Variants in NLGN1 observed in about 807,000 individuals in gnomAD.
The protein encoded by NLGN1 is neuroligin-1.
A neutral mutation model predicts 65.5 loss-of-function variants in NLGN1; 12 were observed. That is an observed-to-expected ratio of 0.18 (90% CI 0.12 to 0.30). The LOEUF (loss-of-function observed/expected upper bound fraction) is 0.30, where lower values mean the gene tolerates loss of function less well. NLGN1 is among the 10% of genes least tolerant of loss of function. The pLI, the probability that NLGN1 is intolerant of heterozygous loss-of-function variation, is 1.00. For missense variants in NLGN1, 750 were observed against 1,007.1 expected (o/e 0.74, Z 3.46); for synonymous variants, 350 against 359.5 (o/e 0.97, Z 0.30).
intron 1 of NLGN1, among the ~76,000 whole-genome samples, chr3:173,405,964 A>T (rs1157867734): frequency 2.0e-5 from 3 of 152,184 alleles, no homozygotes; most frequent in Non-Finnish European, 4.4e-5. Flanking sequence ...GTATGATATA[A>T]ATACATAATA....
chr3:173,500,448 G>C (rs1730878353), intron 2 of NLGN1, among the ~76,000 whole-genome samples: 1 of 152,106 alleles, frequency 6.6e-6, no homozygotes, highest in South Asian at 2.1e-4. Context: ...GCTGGATTCG[G>C]TTTGCCAGTC....
intron 4 of NLGN1, among the ~76,000 whole-genome samples, chr3:174,203,703 G>C (rs1306302382): frequency 6.6e-6 from 1 of 152,070 alleles, no homozygotes; most frequent in East Asian, 1.9e-4. Context: ...ATCGACTAGG[G>C]TTTGTGTAAT....
chr3:173,438,656 A>C (rs762579853), intron 2 of NLGN1, among the ~76,000 whole-genome samples: 2 of 152,158 alleles, frequency 1.3e-5, no homozygotes, highest in Non-Finnish European at 2.9e-5. Context: ...AAAATATAGA[A>C]AAACTGCGGA....
intron 3 of NLGN1, among the ~76,000 whole-genome samples, chr3:173,663,040 C>T (rs1159020707): frequency 1.3e-5 from 2 of 152,118 alleles, no homozygotes; most frequent in South Asian, 2.1e-4. Flanking sequence ...TGATACTTAA[C>T]TATAAATAAT....
chr3:173,742,262 G>A (rs932770503), intron 3 of NLGN1, among the ~76,000 whole-genome samples: 8 of 152,134 alleles, frequency 5.3e-5, no homozygotes, highest in African/African-American at 1.9e-4. Flanking sequence ...GGGAAGAAGA[G>A]AGAGGGATGT....
chr3:173,410,721 T>A (rs1712360118), intron 1 of NLGN1, among the ~76,000 whole-genome samples: 1 of 152,232 alleles, frequency 6.6e-6, no homozygotes, highest in Non-Finnish European at 1.5e-5. Context: ...TTTCTATACA[T>A]GTTTAAATCT....
exon 7 of NLGN1, chr3:174,281,534 T>C (rs375237613): frequency 1.2e-5 from 5 of 419,870 alleles, no homozygotes; most frequent in African/African-American, 2.0e-5. Flanking sequence ...TACTTTTTCA[T>C]TCACATTCAA....
chr3:173,783,083 A>G (rs1781424318), intron 3 of NLGN1, among the ~76,000 whole-genome samples: 1 of 152,194 alleles, frequency 6.6e-6, no homozygotes, highest in African/African-American at 2.4e-5. Flanking sequence ...AAGAATGTGG[A>G]AAGGATACAC....
At chr3:173,654,997 G>A (rs1168958800) in intron 3 of NLGN1, among the ~76,000 whole-genome samples, 2 of 152,094 alleles carry the variant, frequency 1.3e-5, no homozygotes, top group Admixed American at 6.6e-5. Flanking sequence ...TTCCATGGTA[G>A]CCATATGACC....
At chr3:174,198,731 A>T (rs2061618830) in intron 4 of NLGN1, among the ~76,000 whole-genome samples, 2 of 151,894 alleles carry the variant, frequency 1.3e-5, no homozygotes, top group African/African-American at 2.4e-5. Context: ...TAATTAAGTG[A>T]CATTCACTGA....
chr3:173,657,752 A>G (rs755369219), intron 3 of NLGN1, among the ~76,000 whole-genome samples: 10 of 151,916 alleles, frequency 6.6e-5, no homozygotes, highest in Non-Finnish European at 1.3e-4. Context: ...CAGTAGCAGG[A>G]TGGAAGAAAG....
Position 173,474,731 on chromosome 3 carries a change from G to A in NLGN1, c.-321+39653G>A, listed in dbSNP as rs139348143. On this transcript the variant is annotated intron_variant, in intron 2 of 6. Transcript: ENST00000457714. Reference sequence around the variant, plus strand: ...TCCTAGCACTTTGGGAGGCCGAGGTGGGTGGATCACGAGGTCAGGAGTTCG... The same window carrying A: ...TCCTAGCACTTTGGGAGGCCGAGGTAGGTGGATCACGAGGTCAGGAGTTCG... 8.3e-4 allele frequency among the ~76,000 whole-genome samples: 127 copies of A among 152,206 alleles called. No individual in the cohort carries two copies. In the East Asian group the frequency reaches 0.019, roughly 23 times the overall value.
intron 3 of NLGN1, among the ~76,000 whole-genome samples, chr3:173,649,672 A>T (rs2149632837): frequency 6.6e-6 from 1 of 152,254 alleles, no homozygotes; most frequent in Admixed American, 6.5e-5. Flanking sequence ...CACACAGGCA[A>T]CTATAATCAC....
chr3:173,876,949 G>A (rs904533585), intron 4 of NLGN1, among the ~76,000 whole-genome samples: 6 of 152,044 alleles, frequency 3.9e-5, no homozygotes, highest in African/African-American at 1.4e-4. Flanking sequence ...ATCAGCATTT[G>A]GACACCAAAG....
intron 3 of NLGN1, among the ~76,000 whole-genome samples, chr3:173,747,017 T>A (rs935975711): frequency 2.7e-4 from 41 of 150,666 alleles, no homozygotes; most frequent in Non-Finnish European, 6.1e-4. Flanking sequence ...CAGCCTAGGG[T>A]CTCCAGAGCA....
At chr3:173,788,448 T>C (rs1254793524) in intron 3 of NLGN1, among the ~76,000 whole-genome samples, 2 of 152,096 alleles carry the variant, frequency 1.3e-5, no homozygotes, top group Non-Finnish European at 2.9e-5. Context: ...CAAAAATTTT[T>C]AATATTTATT....
chr3:173,844,885 T>G (rs886883795), intron 4 of NLGN1, among the ~76,000 whole-genome samples: 4 of 152,234 alleles, frequency 2.6e-5, no homozygotes, highest in African/African-American at 4.8e-5. Context: ...GTCTTCTATT[T>G]TAAAATAACC....
chr3:173,555,229 A>AT (rs1441912331), intron 2 of NLGN1, among the ~76,000 whole-genome samples: 1 of 152,134 alleles, frequency 6.6e-6, no homozygotes, highest in African/African-American at 2.4e-5. Flanking sequence ...TTTTGGAAGT[A>AT]TTTTTTCCTC....
intron 4 of NLGN1, among the ~76,000 whole-genome samples, chr3:174,089,768 A>C (rs1233756498): frequency 6.6e-6 from 1 of 152,158 alleles, no homozygotes; most frequent in Non-Finnish European, 1.5e-5. Context: ...AGATCCACTT[A>C]ATCCAATTAA....
Sources: allele counts gnomAD v4.1 joint callset (sites outside exome capture counted in the v4.1 genomes callset), GRCh38; gene constraint gnomAD v4.1.1; transcripts MANE v1.5; gene names NCBI Gene and HGNC (gene_info 2026-07-23, HGNC 2026-07-21).